DLGAP1: variants seen among roughly 807,000 people sequenced by gnomAD.
DLGAP1 encodes DLG associated protein 1.
DLGAP1 carries 11 observed loss-of-function variants against 90.8 expected under a neutral mutation model. That is an observed-to-expected ratio of 0.12 (90% CI 0.08 to 0.20). The LOEUF (loss-of-function observed/expected upper bound fraction) is 0.20, where lower values mean the gene tolerates loss of function less well. Among genes scored for constraint, DLGAP1 ranks in the 10% least tolerant of loss-of-function variants. The pLI, the probability that DLGAP1 is intolerant of heterozygous loss-of-function variation, is 1.00. For missense variants in DLGAP1, 1,050 were observed against 1,333.8 expected (o/e 0.79, Z 3.31); for synonymous variants, 558 against 540.7 (o/e 1.03, Z -0.44).
chr18:4,136,580 T>C (rs2076404869), intron 2 of DLGAP1, among the ~76,000 whole-genome samples: 1 of 152,208 alleles, frequency 6.6e-6, no homozygotes. Context: ...TATTTTTAAA[T>C]TGCATTATTA....
At chr18:3,636,790 T>A (rs1194159303) in intron 7 of DLGAP1, among the ~76,000 whole-genome samples, 3 of 145,770 alleles carry the variant, frequency 2.1e-5, no homozygotes, top group African/African-American at 7.7e-5. Context: ...AGAGGAGTGA[T>A]CTCCGCTCAC....
At chr18:3,853,062 G>A (rs186642394) in intron 4 of DLGAP1, among the ~76,000 whole-genome samples, 161 of 152,026 alleles carry the variant, frequency 1.1e-3, no homozygotes, top group Admixed American at 3.5e-3. Context: ...ATTTTTATAC[G>A]ACAGGGATTA....
At chr18:4,249,874 C>T (rs1568471404) in intron 1 of DLGAP1, among the ~76,000 whole-genome samples, 2 of 152,230 alleles carry the variant, frequency 1.3e-5, no homozygotes, top group Admixed American at 1.3e-4. Flanking sequence ...TGGGCGTGAG[C>T]CACCAAGCGT....
At chr18:4,165,259 A>T (rs967059176) in intron 1 of DLGAP1, among the ~76,000 whole-genome samples, 1 of 152,226 alleles carries the variant, frequency 6.6e-6, no homozygotes, top group East Asian at 1.9e-4. Flanking sequence ...CTAGGGAGGC[A>T]GCAATTTGAA....
intron 3 of DLGAP1, among the ~76,000 whole-genome samples, chr18:3,966,284 G>A (rs947001714): frequency 1.3e-5 from 2 of 152,052 alleles, no homozygotes; most frequent in Non-Finnish European, 2.9e-5. Flanking sequence ...GAAGTAGTAG[G>A]AGATGAGGAT....
chr18:3,542,011 C>T (rs936585109), intron 9 of DLGAP1, among the ~76,000 whole-genome samples: 4 of 152,128 alleles, frequency 2.6e-5, no homozygotes, highest in African/African-American at 9.7e-5. Flanking sequence ...ACACCTCTGA[C>T]TCAGTCTGTG....
At chr18:3,522,546 C>CTTTTTTTT (rs532794429) in intron 10 of DLGAP1, among the ~76,000 whole-genome samples, 1 of 116,566 alleles carries the variant, frequency 8.6e-6, no homozygotes, top group African/African-American at 3.3e-5. Flanking sequence ...GCAGTCAACT[C>CTTTTTTTT]TTTTTTTTTT....
chr18:3,785,694 G>C (rs1470543854), intron 5 of DLGAP1, among the ~76,000 whole-genome samples: 3 of 152,208 alleles, frequency 2.0e-5, no homozygotes, highest in Non-Finnish European at 4.4e-5. Context: ...TGCATCCTCA[G>C]TGTTCTTTTC....
chr18:4,218,112 A>ATT (rs11388163), intron 1 of DLGAP1, among the ~76,000 whole-genome samples: 5 of 136,928 alleles, frequency 3.7e-5, no homozygotes, highest in African/African-American at 8.0e-5. Flanking sequence ...ATCTGTTAGA[A>ATT]TTTTTTTTTT....
chr18:4,002,682 C>A (rs60310371), intron 3 of DLGAP1, among the ~76,000 whole-genome samples: 26,682 of 152,022 alleles, frequency 0.18, 2,541 homozygotes, highest in South Asian at 0.32. Flanking sequence ...TTAGTAGTTT[C>A]GTTTCTGGAG....
intron 2 of DLGAP1, among the ~76,000 whole-genome samples, chr18:4,045,308 A>G (rs372325616): frequency 1.3e-4 from 20 of 151,990 alleles, no homozygotes; most frequent in African/African-American, 4.3e-4. Flanking sequence ...AAAGGAACTG[A>G]TAACTCCTTG....
intron 7 of DLGAP1, among the ~76,000 whole-genome samples, chr18:3,628,547 A>T (rs1344677904): frequency 6.6e-6 from 1 of 152,162 alleles, no homozygotes; most frequent in African/African-American, 2.4e-5. Context: ...GCCAAGCTAT[A>T]GAATGCCTCC....
intron 1 of DLGAP1, among the ~76,000 whole-genome samples, chr18:4,379,388 C>T (rs933409303): frequency 5.3e-5 from 8 of 152,138 alleles, no homozygotes; most frequent in Non-Finnish European, 1.0e-4. Context: ...TAAATATTTT[C>T]TTAGAGAAGC....
At chr18:3,522,493 G>A (rs116925149) in intron 10 of DLGAP1, among the ~76,000 whole-genome samples, 6,124 of 150,212 alleles carry the variant, frequency 0.041, 159 homozygotes, top group Admixed American at 0.078. Flanking sequence ...AAAGAGAAAG[G>A]GAATTTTAAA....
chr18:3,648,606 G>C (rs2059198166), intron 7 of DLGAP1, among the ~76,000 whole-genome samples: 1 of 152,178 alleles, frequency 6.6e-6, no homozygotes, highest in African/African-American at 2.4e-5. Context: ...AAGTGGCTTT[G>C]ATATTACTAT....
chr18:4,299,085 C>CA (rs35327176), intron 1 of DLGAP1, among the ~76,000 whole-genome samples: 8,323 of 75,768 alleles, frequency 0.11, 383 homozygotes, highest in Non-Finnish European at 0.12. Context: ...TGTCTCAAGA[C>CA]AAAAAAAAAA....
At chr18:4,336,731 C>A (rs768412156) in intron 1 of DLGAP1, among the ~76,000 whole-genome samples, 1 of 152,048 alleles carries the variant, frequency 6.6e-6, no homozygotes, top group Non-Finnish European at 1.5e-5. Flanking sequence ...GGACATGTAT[C>A]GAACAAAGGA....
chr18:4,419,529 T>C (rs544820384), intron 1 of DLGAP1, among the ~76,000 whole-genome samples: 2 of 152,172 alleles, frequency 1.3e-5, no homozygotes, highest in Non-Finnish European at 2.9e-5. Flanking sequence ...AAATAAATTT[T>C]TTTCATATTT....
intron 2 of DLGAP1, among the ~76,000 whole-genome samples, chr18:4,060,871 G>GT (rs2075288782): frequency 6.6e-6 from 1 of 152,138 alleles, no homozygotes. Context: ...TATGATCTAT[G>GT]TAAGTCATGA....
Sources: allele counts gnomAD v4.1 joint callset (sites outside exome capture counted in the v4.1 genomes callset), GRCh38; gene constraint gnomAD v4.1.1; transcripts MANE v1.5; gene names NCBI Gene and HGNC (gene_info 2026-07-23, HGNC 2026-07-21).